Variants in SNRNP27 observed in about 807,000 individuals in gnomAD.
SNRNP27 encodes the protein small nuclear ribonucleoprotein U4/U6.U5 subunit 27, also known as U4/U6.U5 small nuclear ribonucleoprotein 27 kDa protein.
In SNRNP27, 22 loss-of-function variants were observed where a neutral mutation model predicts 25.1. The observed-to-expected ratio is 0.88, with a 90% confidence interval of 0.63 to 1.25. The LOEUF is 1.25. Ranked by LOEUF, SNRNP27 falls within the 50% of genes most tolerant of loss-of-function variation. The probability of loss-of-function intolerance (pLI) is 0.00; values close to 1 mark genes in which losing one functional copy is unlikely to be tolerated. For synonymous variants in SNRNP27, 66 were observed against 64.9 expected (o/e 1.02, Z -0.08); for missense variants, 150 against 202.3 (o/e 0.74, Z 1.57).
intron 4 of SNRNP27, among the ~76,000 whole-genome samples, chr2:69,900,145 T>G (rs1011633796): frequency 7.2e-5 from 11 of 152,192 alleles, no homozygotes; most frequent in African/African-American, 2.7e-4. Flanking sequence ...CTTATTAGAT[T>G]GGTGGAAAAG....
At chr2:69,903,092 C>A in intron 4 of SNRNP27, 89 bp from the exon 5 acceptor site, 1 of 1,022,776 alleles carries the variant, frequency 9.8e-7, no homozygotes, top group Non-Finnish European at 1.6e-6. Context: ...AGTACAGGTA[C>A]ATGCCACTGC....
chr2:69,896,676 GTTT>G (rs35135448), intron 3 of SNRNP27, 128 bp downstream of exon 3: 7 of 675,622 alleles, frequency 1.0e-5, no homozygotes, highest in South Asian at 2.5e-5. Context: ...GTTTTTTTTG[GTTT>G]TTTTTTTTTT....
intron 4 of SNRNP27, among the ~76,000 whole-genome samples, chr2:69,898,484 T>G (rs1417471252): frequency 6.6e-6 from 1 of 152,194 alleles, no homozygotes; most frequent in Non-Finnish European, 1.5e-5. Context: ...AAACATATTT[T>G]TTAAAATCTC....
In SNRNP27 at chr2:69,899,280, T is replaced by C. The variant is rs143117240; in HGVS notation, c.348+1824T>C. On this transcript the variant is annotated intron_variant, in intron 4 of 5. Transcript: ENST00000244227. The stretch of plus-strand genomic sequence containing the variant: ...CAGTTGGCTTCATGGCTATCAGTTA[T>C]AACGTCAGCTCATTTGTGTTTTTAA... Among the ~76,000 whole-genome samples, 356 of 152,352 alleles carry C rather than the reference T, an allele frequency of 2.3e-3. 3 individuals are homozygous for C. Among genetic ancestry groups the C allele is most frequent in the African/African-American group, 8.0e-3 (331 of 41,586 alleles).
chr2:69,900,149 G>A (rs1003476571), intron 4 of SNRNP27, among the ~76,000 whole-genome samples: 1 of 152,066 alleles, frequency 6.6e-6, no homozygotes, highest in Non-Finnish European at 1.5e-5. Flanking sequence ...TTAGATTGGT[G>A]GAAAAGTAAT....
intron 2 of SNRNP27, 52 bp downstream of exon 2, chr2:69,895,266 A>G: frequency 6.3e-7 from 1 of 1,597,486 alleles, no homozygotes; most frequent in East Asian, 2.2e-5. Flanking sequence ...TCCCTAAGAA[A>G]CTGGTCGCAG....
At chr2:69,894,124 T>G (rs1477258872) in intron 1 of SNRNP27, 106 bp downstream of exon 1, 1 of 1,063,976 alleles carries the variant, frequency 9.4e-7, no homozygotes. Flanking sequence ...AGGCGGGCCC[T>G]TTTCCCAGGC....
chr2:69,895,083 G>A lies in SNRNP27; in HGVS notation c.35-11G>A, dbSNP rs927110163. 1 of 1,611,816 alleles carries A rather than the reference G, an allele frequency of 6.2e-7. No individual in the cohort carries two copies. Among genetic ancestry groups the A allele is most frequent in the Non-Finnish European group, 8.5e-7 (1 of 1,179,636 alleles). On this transcript the variant is annotated splice_polypyrimidine_tract_variant and intron_variant, in intron 1 of 5. Transcript: ENST00000244227. The stretch of plus-strand genomic sequence containing the variant: ...ATTATCAGTTCTGCAATTTGTGTGC[G>A]TTTGCATTAGAACGTAGGCGTTCCC...
In SNRNP27 at chr2:69,903,261, A is replaced by T; in HGVS notation, c.413+16A>T. On this transcript the variant is annotated intron_variant, in intron 5 of 5. Transcript: ENST00000244227. ...GGAAGTACAGGTATGCATAGCCCCC[A>T]TTATTATGTTTGAACTAATAAATCA... 1 of 1,578,936 alleles carries T rather than the reference A, an allele frequency of 6.3e-7. No homozygotes were observed. Among genetic ancestry groups the T allele is most frequent in the Non-Finnish European group, 8.7e-7 (1 of 1,148,586 alleles).
At chr2:69,895,604 G>T (rs111237838) in intron 2 of SNRNP27, among the ~76,000 whole-genome samples, 1,859 of 152,040 alleles carry the variant, frequency 0.012, 15 homozygotes, top group Non-Finnish European at 0.016. Flanking sequence ...GTGCAGCGGC[G>T]CAATCTGCTC....
rs1364798038 is a variant in SNRNP27, at chr2:69,895,974, G to T, written c.156-462G>T. Among the ~76,000 whole-genome samples the T allele has an allele frequency of 2.0e-4, 29 of 142,024 alleles. No individual in the cohort carries two copies. The East Asian group carries it at 4.6e-3, about 23-fold the overall frequency. 93.2% of individuals were successfully genotyped at this position (142,024 alleles called of 152,430 possible). A position where few individuals can be genotyped will look rare whatever the true frequency, so the allele number is the denominator to read the frequency against. ...GGGCTCTGAGTCTTTTTTTTGGTTTGTTTTTTTTTTTTTTGAGAGAGAGGG... is the reference window on the plus strand; with the variant it reads ...GGGCTCTGAGTCTTTTTTTTGGTTTTTTTTTTTTTTTTTTGAGAGAGAGGG... On this transcript the variant is annotated intron_variant, in intron 2 of 5. Coordinates refer to ENST00000244227, the MANE Select transcript of SNRNP27 (RefSeq NM_006857.3).
At chr2:69,897,351 G>A (rs1459856310) in intron 3 of SNRNP27, 26 bp from the exon 4 acceptor site, 5 of 1,491,252 alleles carry the variant, frequency 3.4e-6, no homozygotes, top group Admixed American at 1.7e-5. Context: ...ATGATAGAGA[G>A]GTCACAAAAT....
intron 4 of SNRNP27, among the ~76,000 whole-genome samples, chr2:69,900,858 C>T: frequency 6.6e-6 from 1 of 152,128 alleles, no homozygotes; most frequent in African/African-American, 2.4e-5. Context: ...TTATGATGTA[C>T]ATCATGGTTT....
chr2:69,895,046 A>G (rs942672877), intron 1 of SNRNP27, 48 bp from the exon 2 acceptor site: 1 of 1,607,666 alleles, frequency 6.2e-7, no homozygotes, highest in African/African-American at 1.3e-5. Context: ...GCAGCTCTAG[A>G]TATTTGAGGT....
chr2:69,897,312 C>A, intron 3 of SNRNP27, 65 bp from the exon 4 acceptor site: 1 of 1,108,826 alleles, frequency 9.0e-7, no homozygotes, highest in Non-Finnish European at 1.4e-6. Context: ...CTGTTACCAC[C>A]TCTCTTTTTA....
chr2:69,901,066 C>G (rs749664818), intron 4 of SNRNP27, among the ~76,000 whole-genome samples: 2 of 151,572 alleles, frequency 1.3e-5, no homozygotes, highest in African/African-American at 4.9e-5. Context: ...CCCAGCTATT[C>G]GATAGGCTGA....
chr2:69,896,535 A>G lies in SNRNP27; in HGVS notation c.255A>G (p.Glu85=). 1 of 1,603,072 alleles carries G rather than the reference A, an allele frequency of 6.2e-7. No individual in the cohort carries two copies. Among genetic ancestry groups the G allele is most frequent in the Non-Finnish European group, 8.5e-7 (1 of 1,173,022 alleles). Residue 85 remains glutamate (E), a synonymous_variant, in exon 3 of 6, where the codon GAA becomes GAG. Transcript: ENST00000244227. ...AAACAAAAGAAACAAAGAGCAAAGA[A>G]CGGCAGATTACTGGTAATGTTATTA... The part of the protein sequence containing the change: ...KKETKETKSK[E]RQITEEDLEG...
intron 4 of SNRNP27, among the ~76,000 whole-genome samples, chr2:69,901,609 A>C (rs985232971): frequency 6.6e-6 from 1 of 152,202 alleles, no homozygotes; most frequent in African/African-American, 2.4e-5. Context: ...TGAGACCAGG[A>C]GTTCAAGACC....
chr2:69,901,241 CAGTT>C (rs1676692079), intron 4 of SNRNP27, among the ~76,000 whole-genome samples: 1 of 151,560 alleles, frequency 6.6e-6, no homozygotes, highest in South Asian at 2.1e-4. Flanking sequence ...CATTTTTCAG[CAGTT>C]AGAGAAGAGG....
Sources: allele counts gnomAD v4.1 joint callset (sites outside exome capture counted in the v4.1 genomes callset), GRCh38; gene constraint gnomAD v4.1.1; transcripts MANE v1.5; gene names NCBI Gene and HGNC (gene_info 2026-07-23, HGNC 2026-07-21).